CNTN5: variants seen among roughly 807,000 people sequenced by gnomAD.
CNTN5 encodes contactin-5.
CNTN5 carries 77 observed loss-of-function variants against 129.1 expected under a neutral mutation model. The ratio of observed to expected loss-of-function variants is 0.60; its 90% CI spans 0.50 to 0.72. The LOEUF (loss-of-function observed/expected upper bound fraction) is 0.72, where lower values mean the gene tolerates loss of function less well. Among genes scored for constraint, CNTN5 ranks in the 30% least tolerant of loss-of-function variants. The pLI is 0.00. For synonymous variants in CNTN5, 509 were observed against 465.6 expected (o/e 1.09, Z -1.20); for missense variants, 1,478 against 1,328.8 (o/e 1.11, Z -1.75).
intron 4 of CNTN5, among the ~76,000 whole-genome samples, chr11:99,834,131 A>G (rs1418256682): frequency 6.6e-6 from 1 of 152,170 alleles, no homozygotes; most frequent in Non-Finnish European, 1.5e-5. Context: ...ATGAATTGCA[A>G]GATTACACTT....
chr11:100,330,507 A>G (rs748324498), intron 21 of CNTN5, among the ~76,000 whole-genome samples: 3 of 149,724 alleles, frequency 2.0e-5, no homozygotes, highest in Non-Finnish European at 2.9e-5. Context: ...CAAAAAGATC[A>G]TCACCTAGGC....
chr11:99,833,772 C>A (rs1287310204), intron 4 of CNTN5, among the ~76,000 whole-genome samples: 1 of 152,024 alleles, frequency 6.6e-6, no homozygotes, highest in South Asian at 2.1e-4. Flanking sequence ...TGTTCAAGAC[C>A]CTCTTGTAGA....
At chr11:100,284,526 A>T (rs575655331) in intron 18 of CNTN5, among the ~76,000 whole-genome samples, 1 of 152,362 alleles carries the variant, frequency 6.6e-6, no homozygotes, top group Admixed American at 6.5e-5. Context: ...CAGGACAAAA[A>T]AAATCACATT....
intron 21 of CNTN5, among the ~76,000 whole-genome samples, chr11:100,333,925 T>A (rs1216195): frequency 0.22 from 33,133 of 152,010 alleles, 4,259 homozygotes; most frequent in East Asian, 0.62. Context: ...AAAACAAAGA[T>A]AAATAGATGG....
intron 13 of CNTN5, among the ~76,000 whole-genome samples, chr11:100,162,320 C>T (rs1947482951): frequency 1.3e-5 from 2 of 151,932 alleles, no homozygotes; most frequent in South Asian, 2.1e-4. Context: ...TTTCATTATC[C>T]TCTATGCTAA....
chr11:100,001,205 T>C (rs1180389478), intron 8 of CNTN5, among the ~76,000 whole-genome samples: 1 of 152,100 alleles, frequency 6.6e-6, no homozygotes, highest in African/African-American at 2.4e-5. Context: ...ACAATTATGA[T>C]GGAAGGAGAA....
intron 24 of CNTN5, among the ~76,000 whole-genome samples, chr11:100,351,232 A>G (rs950048384): frequency 6.6e-6 from 1 of 151,596 alleles, no homozygotes; most frequent in Admixed American, 6.6e-5. Context: ...GATTGCCTTT[A>G]TTGTTAGACA....
rs538972692 is a variant in CNTN5, at chr11:99,277,772, AC to A, written c.-209-47573del. On this transcript the variant is annotated intron_variant, in intron 1 of 24. Transcript: ENST00000524871. Reference sequence around the variant, plus strand: ...CTGAAAAACAACATGTATTATAGTGACTTAGTGTATTTTAAAAAATGGAGCC... The same window carrying A: ...CTGAAAAACAACATGTATTATAGTGATTAGTGTATTTTAAAAAATGGAGCC... Among the ~76,000 whole-genome samples, 704 of 151,800 alleles carry A rather than the reference AC, an allele frequency of 4.6e-3. 4 individuals are homozygous for A. The highest frequency in any genetic ancestry group is 0.017 in the South Asian group (81 of 4,818).
rs1215743541 is a variant in CNTN5, at chr11:99,430,489, A to G, written c.-71+105005A>G. On this transcript the variant is annotated intron_variant, in intron 2 of 24. Coordinates refer to ENST00000524871, the MANE Select transcript of CNTN5 (RefSeq NM_014361.4). Reference sequence around the variant, plus strand: ...ATATATAAGAGATTTATATATATTTATATATTTATAGCTCTCTTTTCTCTC... The same window carrying G: ...ATATATAAGAGATTTATATATATTTGTATATTTATAGCTCTCTTTTCTCTC... 8.0e-5 allele frequency among the ~76,000 whole-genome samples: 12 copies of G among 149,492 alleles called. No individual in the cohort carries two copies. The Admixed American group carries it at 8.0e-4, about 10-fold the overall frequency.
intron 3 of CNTN5, among the ~76,000 whole-genome samples, chr11:99,564,564 T>C (rs1948944324): frequency 6.6e-6 from 1 of 152,206 alleles, no homozygotes; most frequent in East Asian, 1.9e-4. Context: ...TTTCTTAATA[T>C]GAAATTAATT....
chr11:99,706,430 A>G (rs1954759206), intron 3 of CNTN5, among the ~76,000 whole-genome samples: 1 of 151,536 alleles, frequency 6.6e-6, no homozygotes, highest in Non-Finnish European at 1.5e-5. Flanking sequence ...AAATTCATAG[A>G]TGGTAGCTTA....
intron 1 of CNTN5, among the ~76,000 whole-genome samples, chr11:99,250,101 C>T (rs1862024284): frequency 6.6e-6 from 1 of 151,898 alleles, no homozygotes; most frequent in South Asian, 2.1e-4. Context: ...GGCATCAAAT[C>T]ACTATTTTGC....
At chr11:99,490,189 A>T (rs1945980749) in intron 2 of CNTN5, among the ~76,000 whole-genome samples, 1 of 152,176 alleles carries the variant, frequency 6.6e-6, no homozygotes, top group South Asian at 2.1e-4. Flanking sequence ...ATTAGTCTTA[A>T]TAATATTATA....
chr11:100,245,511 G>A (rs941826705), intron 16 of CNTN5, among the ~76,000 whole-genome samples: 1 of 151,996 alleles, frequency 6.6e-6, no homozygotes, highest in Non-Finnish European at 1.5e-5. Flanking sequence ...ATGAGGAGGA[G>A]GCAGAGGGGT....
intron 13 of CNTN5, among the ~76,000 whole-genome samples, chr11:100,136,001 A>C (rs1377282006): frequency 6.6e-6 from 1 of 152,118 alleles, no homozygotes; most frequent in Non-Finnish European, 1.5e-5. Context: ...CATTATCTGG[A>C]AGTTCAGTGC....
At chr11:100,236,397 T>G (rs960698493) in intron 16 of CNTN5, among the ~76,000 whole-genome samples, 3 of 152,192 alleles carry the variant, frequency 2.0e-5, no homozygotes, top group Non-Finnish European at 4.4e-5. Context: ...GTTTCCCGCC[T>G]GACTGCTTAG....
intron 2 of CNTN5, among the ~76,000 whole-genome samples, chr11:99,450,178 T>C: frequency 6.6e-6 from 1 of 151,466 alleles, no homozygotes. Context: ...GTTAAGAAAA[T>C]GAAGATTTTT....
At chr11:99,621,318 G>A (rs1234750443) in intron 3 of CNTN5, among the ~76,000 whole-genome samples, 1 of 151,978 alleles carries the variant, frequency 6.6e-6, no homozygotes, top group Non-Finnish European at 1.5e-5. Context: ...TGGCTAAATT[G>A]GAGTCAAAAA....
chr11:100,273,524 C>T (rs150144640), intron 18 of CNTN5, among the ~76,000 whole-genome samples: 1 of 152,264 alleles, frequency 6.6e-6, no homozygotes, highest in East Asian at 1.9e-4. Context: ...GACAGCGGAT[C>T]CTCCCCCACC....
Sources: allele counts gnomAD v4.1 joint callset (sites outside exome capture counted in the v4.1 genomes callset), GRCh38; gene constraint gnomAD v4.1.1; transcripts MANE v1.5; gene names NCBI Gene and HGNC (gene_info 2026-07-23, HGNC 2026-07-21).